PLEKHN1: variants seen among roughly 807,000 people sequenced by gnomAD.
The protein encoded by PLEKHN1 is pleckstrin homology domain containing N1, also known as pleckstrin homology domain-containing family N member 1.
In PLEKHN1, 68 loss-of-function variants were observed where a neutral mutation model predicts 72.8. The ratio of observed to expected loss-of-function variants is 0.93; its 90% CI spans 0.77 to 1.14. The LOEUF (loss-of-function observed/expected upper bound fraction) is 1.14. Among genes scored for constraint, PLEKHN1 ranks in the 50% most tolerant of loss-of-function variants. PLEKHN1 has a pLI of 0.00. For synonymous variants in PLEKHN1, 454 were observed against 371.6 expected (o/e 1.22, Z -2.55); for missense variants, 1,015 against 840.5 (o/e 1.21, Z -2.57).
In PLEKHN1 at chr1:974,797, G is replaced by A; in HGVS notation, c.*222G>A. ...CCCCATCCAAAGGATGCCCTGGCCA[G>A]CGAGGCTGGGTCACAGGTCAGGGAG... On this transcript the variant is annotated 3_prime_UTR_variant, in exon 16 of 16. Transcript: ENST00000379410. The A allele has an allele frequency of 3.2e-6, 2 of 627,918 alleles. No individual in the cohort carries two copies. Among genetic ancestry groups the A allele is most frequent in the South Asian group, 4.2e-5 (2 of 47,604 alleles). The allele number at this position is 627,918 out of a possible 1,614,324, so 38.9% of individuals were successfully genotyped here. A position where few individuals can be genotyped will look rare whatever the true frequency, so the allele number is the denominator to read the frequency against.
In PLEKHN1 at chr1:974,334, G is replaced by A. The variant is rs767578268; in HGVS notation, c.1672G>A (p.Gly558Ser). Residue 558 changes from glycine to serine, a missense_variant, in exon 15 of 16, where the codon GGT becomes AGT. Physicochemically the swap from Gly to Ser is moderately conservative, Grantham distance 56. Coordinates refer to ENST00000379410, the MANE Select transcript of PLEKHN1 (RefSeq NM_032129.3). Reference sequence around the variant, plus strand: ...GTTCCAGGTCTCCTCTGCCAGGGAAGGTTCGCCCGAACCCTGGCTGCCTCT... The same window carrying A: ...GTTCCAGGTCTCCTCTGCCAGGGAAAGTTCGCCCGAACCCTGGCTGCCTCT... ...APQLVSSAREGSPEPWLPLTD... is the reference protein window; with the variant it reads ...APQLVSSARESSPEPWLPLTD... The A allele has an allele frequency of 7.4e-6, 12 of 1,612,976 alleles. No homozygotes were observed. The East Asian group carries it at 2.7e-4, about 36-fold the overall frequency.
intron 14 of PLEKHN1, 89 bp from the exon 15 acceptor site, chr1:974,227 G>A: frequency 2.5e-6 from 4 of 1,583,952 alleles, no homozygotes; most frequent in South Asian, 1.1e-5. Context: ...AGAGCAGGGG[G>A]ACATGGGGGG....
At chr1:972,487 C>G (rs989840574) in intron 10 of PLEKHN1, 63 bp downstream of exon 10, 30 of 1,477,378 alleles carry the variant, frequency 2.0e-5, no homozygotes, top group Non-Finnish European at 2.6e-5. Context: ...GGCAGCAGAC[C>G]GGGCGTGGTG....
intron 2 of PLEKHN1, among the ~76,000 whole-genome samples, chr1:967,277 C>G (rs1287886290): frequency 1.3e-5 from 2 of 152,178 alleles, no homozygotes; most frequent in African/African-American, 4.8e-5. Flanking sequence ...ACGCGCCGGC[C>G]TCCTCCCAGC....
Position 970,144 on chromosome 1 carries a change from G to A in PLEKHN1, c.184-133G>A. On this transcript the variant is annotated intron_variant, in intron 2 of 15. Transcript: ENST00000379410. The surrounding 1 kb of genome is among the most constrained non-coding windows in gnomAD (Gnocchi z 4.2). Reference sequence around the variant, plus strand: ...GTGCACAGGTTCTGTGCCTGTGGGGGGCTGTTCTTCACATATGTGTTGTGT... The same window carrying A: ...GTGCACAGGTTCTGTGCCTGTGGGGAGCTGTTCTTCACATATGTGTTGTGT... The A allele has an allele frequency of 1.2e-6, 1 of 855,002 alleles. No individual in the cohort carries two copies. Among genetic ancestry groups the A allele is most frequent in the Non-Finnish European group, 1.8e-6 (1 of 565,338 alleles). 53.0% of individuals were successfully genotyped at this position (855,002 alleles called of 1,614,324 possible). A position where few individuals can be genotyped will look rare whatever the true frequency, so the allele number is the denominator to read the frequency against.
chr1:969,029 G>A (rs1341912528), intron 2 of PLEKHN1, among the ~76,000 whole-genome samples: 1 of 152,184 alleles, frequency 6.6e-6, no homozygotes, highest in Non-Finnish European at 1.5e-5. Context: ...GCAACGGTGA[G>A]GACACTGACA....
In PLEKHN1 at chr1:966,537, G is replaced by T. The variant is rs774961129; in HGVS notation, c.6G>T (p.Gly2=). 1 of 1,606,898 alleles carries T rather than the reference G, an allele frequency of 6.2e-7. No individual in the cohort carries two copies. The highest frequency in any genetic ancestry group is 8.5e-7 in the Non-Finnish European group (1 of 1,175,606). M[G]NSHCVPQAPR... is the part of the protein sequence containing the mutation. ...CGACCTGTACGACTCTGGCCATGGG[G>T]AACAGCCACTGTGTCCCTCAGGCCC... The change falls in exon 1 of 16, where the codon GGG becomes GGT. Residue 2 remains glycine, a synonymous_variant. Coordinates refer to ENST00000379410, the MANE Select transcript of PLEKHN1 (RefSeq NM_032129.3).
At chr1:967,511 C>T (rs1053710907) in intron 2 of PLEKHN1, among the ~76,000 whole-genome samples, 4 of 152,178 alleles carry the variant, frequency 2.6e-5, no homozygotes, top group Admixed American at 6.5e-5. Flanking sequence ...CCCCACTGCA[C>T]CCCCGTCAGG....
intron 8 of PLEKHN1, among the ~76,000 whole-genome samples, chr1:971,748 G>A (rs1194541313): frequency 6.6e-6 from 1 of 152,184 alleles, no homozygotes; most frequent in Non-Finnish European, 1.5e-5. Context: ...CGGGAAGGGG[G>A]TGTGCACTCA....
chr1:969,531 CGTGT>C (rs766449232), intron 2 of PLEKHN1, among the ~76,000 whole-genome samples: 1 of 151,302 alleles, frequency 6.6e-6, no homozygotes, highest in Non-Finnish European at 1.5e-5. Flanking sequence ...TATGTGTGCA[CGTGT>C]GTATGTGCAC....
Position 974,325 on chromosome 1 carries a change from G to T in PLEKHN1, c.1663G>T (p.Ala555Ser), listed in dbSNP as rs1570054581. Reference protein sequence around the residue: ...PPDAPQLVSSAREGSPEPWLP... With the variant: ...PPDAPQLVSSSREGSPEPWLP... ...CGGTTTGGGGTTCCAGGTCTCCTCTGCCAGGGAAGGTTCGCCCGAACCCTG... is the reference window on the plus strand; with the variant it reads ...CGGTTTGGGGTTCCAGGTCTCCTCTTCCAGGGAAGGTTCGCCCGAACCCTG... Residue 555 changes from alanine (A) to serine (S), a missense_variant, in exon 15 of 16, where the codon GCC becomes TCC. Coordinates refer to ENST00000379410, the MANE Select transcript of PLEKHN1 (RefSeq NM_032129.3). The T allele has an allele frequency of 1.2e-6, 2 of 1,612,968 alleles. No homozygotes were observed. The highest frequency in any genetic ancestry group is 3.3e-4 in the Middle Eastern group (2 of 6,062).
Position 971,389 on chromosome 1 carries a change from C to T in PLEKHN1, c.774C>T (p.Asp258=), listed in dbSNP as rs78850589. The T allele has an allele frequency of 6.5e-5, 103 of 1,585,020 alleles. No homozygotes were observed. Among genetic ancestry groups the T allele is most frequent in the Admixed American group, 1.1e-4 (6 of 56,858 alleles). The change falls in exon 8 of 16, where the codon GAC becomes GAT. Residue 258 remains aspartate (D), a synonymous_variant. Transcript: ENST00000379410. ...TSLAIFSEEL[D]GLCFKGELPL... ...TGGCCATTTTCTCCGAGGAGCTGGACGGGCTTTGCTTCAAGGTGGGCCCCT... is the reference window on the plus strand; with the variant it reads ...TGGCCATTTTCTCCGAGGAGCTGGATGGGCTTTGCTTCAAGGTGGGCCCCT...
intron 10 of PLEKHN1, among the ~76,000 whole-genome samples, 154 bp downstream of exon 10, chr1:972,578 C>T (rs1031798328): frequency 2.0e-5 from 3 of 152,072 alleles, no homozygotes; most frequent in African/African-American, 4.8e-5. Context: ...TCAGCCTGAC[C>T]GACGTGGAGA....
intron 2 of PLEKHN1, among the ~76,000 whole-genome samples, chr1:969,773 A>ATG (rs757192150): frequency 3.1e-4 from 47 of 150,550 alleles, no homozygotes; most frequent in South Asian, 2.5e-3. Flanking sequence ...GTGTGTATGC[A>ATG]TGTGTGCGTG....
chr1:966,840 C>T (rs777317953), intron 2 of PLEKHN1, 37 bp downstream of exon 2: 3 of 1,522,974 alleles, frequency 2.0e-6, no homozygotes, highest in Admixed American at 2.0e-5. Flanking sequence ...GGTCTGGGAG[C>T]GTGGCTCTGC....
At chr1:966,670 G>C in intron 1 of PLEKHN1, 34 bp from the exon 2 acceptor site, 1 of 1,582,652 alleles carries the variant, frequency 6.3e-7, no homozygotes, top group Non-Finnish European at 8.6e-7. Context: ...CCCGCTCCGG[G>C]GCCAAGCCAC....
intron 2 of PLEKHN1, among the ~76,000 whole-genome samples, chr1:969,370 C>T (rs975434663): frequency 2.5e-5 from 1 of 40,500 alleles, no homozygotes; most frequent in Non-Finnish European, 4.3e-5. Flanking sequence ...TGTGTTTGCA[C>T]GTGTATATGT....
intron 8 of PLEKHN1, among the ~76,000 whole-genome samples, chr1:971,837 C>T (rs74045032): frequency 0.015 from 2,245 of 152,340 alleles, 62 homozygotes; most frequent in African/African-American, 0.052. Context: ...TCTGGGGACC[C>T]CAAGAGGCCA....
At chr1:971,472 T>G in intron 8 of PLEKHN1, 68 bp downstream of exon 8, 1 of 1,385,602 alleles carries the variant, frequency 7.2e-7, no homozygotes, top group Non-Finnish European at 1.0e-6. Flanking sequence ...GGGGCAGCCA[T>G]GCAGGAGGAA....
Sources: gnomAD v4.1 joint callset for allele counts (sites outside exome capture counted in the v4.1 genomes callset) on GRCh38, gnomAD v4.1.1 for gene constraint, Gnocchi (gnomAD v3.1) non-coding constraint, MANE v1.5 for transcripts, NCBI Gene and HGNC (gene_info 2026-07-23, HGNC 2026-07-21) for gene names.